Variants in EPHX4 observed in about 807,000 individuals in gnomAD.
EPHX4 encodes the protein epoxide hydrolase 4.
In EPHX4, 31 loss-of-function variants were observed where a neutral mutation model predicts 44.9. That is an observed-to-expected ratio of 0.69 (90% CI 0.52 to 0.93). The LOEUF (loss-of-function observed/expected upper bound fraction) is 0.93, where lower values mean the gene tolerates loss of function less well. EPHX4 is among the 40% of genes least tolerant of loss of function. The pLI, the probability that EPHX4 is intolerant of heterozygous loss-of-function variation, is 0.00. For synonymous variants in EPHX4, 151 were observed against 159.7 expected, an observed-to-expected ratio of 0.95 and a Z score of 0.41; for missense variants, 373 against 438.1, an observed-to-expected ratio of 0.85 and a Z score of 1.33.
Position 92,030,045 on chromosome 1 carries a change from C to A in EPHX4, c.-35C>A, listed in dbSNP as rs1242199732. 3 of 1,482,902 alleles carry A rather than the reference C, an allele frequency of 2.0e-6. No individual in the cohort carries two copies. The highest frequency in any genetic ancestry group is 2.7e-6 in the Non-Finnish European group (3 of 1,113,560). The allele number at this position is 1,482,902 out of a possible 1,614,324, so 91.9% of individuals were successfully genotyped here. A position where few individuals can be genotyped will look rare whatever the true frequency, so the allele number is the denominator to read the frequency against. ...GCTGCGGCGCTCGCTCACCCGCTCC[C>A]GAGGAAGGGCAGTGGGCCCCGCCGC... On this transcript the variant is annotated 5_prime_UTR_variant, in exon 1 of 7. Transcript: ENST00000370383.
chr1:92,030,368 G>C, intron 1 of EPHX4, 58 bp downstream of exon 1: 5 of 1,399,484 alleles, frequency 3.6e-6, no homozygotes, highest in Non-Finnish European at 9.4e-7. Flanking sequence ...CGCGAGGGTG[G>C]GGGGCTCCGG....
At chr1:92,061,171 G>A (rs577645796) in intron 6 of EPHX4, among the ~76,000 whole-genome samples, 83 of 152,092 alleles carry the variant, frequency 5.5e-4, no homozygotes, top group Non-Finnish European at 6.2e-4. Flanking sequence ...CACCGTGCCC[G>A]GCTCTAAAGT....
At chr1:92,061,973 C>T (rs896096841) in intron 6 of EPHX4, among the ~76,000 whole-genome samples, 20 of 152,000 alleles carry the variant, frequency 1.3e-4, no homozygotes, top group Admixed American at 1.0e-3. Context: ...TTTGGGAGGC[C>T]GAGATGGGAG....
chr1:92,054,562 T>C (rs1157920162), intron 6 of EPHX4, among the ~76,000 whole-genome samples: 1 of 130,550 alleles, frequency 7.7e-6, no homozygotes, highest in African/African-American at 3.0e-5. Context: ...CACTCCAGCC[T>C]GGGTGACAGA....
chr1:92,053,730 T>C (rs1368871472), intron 6 of EPHX4, among the ~76,000 whole-genome samples: 1 of 152,132 alleles, frequency 6.6e-6, no homozygotes, highest in Admixed American at 6.5e-5. Context: ...ATTTCTGGCA[T>C]GTGCAGCAGT....
intron 6 of EPHX4, among the ~76,000 whole-genome samples, chr1:92,061,982 A>G (rs1471820160): frequency 1.3e-5 from 2 of 149,778 alleles, no homozygotes; most frequent in Admixed American, 1.3e-4. Context: ...CCGAGATGGG[A>G]GGATCACTTG....
At chr1:92,050,559 T>C (rs2101872985) in intron 5 of EPHX4, 139 bp downstream of exon 5, 1 of 543,500 alleles carries the variant, frequency 1.8e-6, no homozygotes, top group African/African-American at 2.0e-5. Context: ...TTAACTATAG[T>C]CTTGCTTATT....
chr1:92,038,910 G>A (rs1688475924), intron 2 of EPHX4, among the ~76,000 whole-genome samples: 1 of 152,194 alleles, frequency 6.6e-6, no homozygotes, highest in Admixed American at 6.5e-5. Context: ...GCTGTTTGCT[G>A]ACTCTGTGAC....
At chr1:92,032,733 A>C (rs1688380130) in intron 2 of EPHX4, 143 bp downstream of exon 2, 1 of 719,116 alleles carries the variant, frequency 1.4e-6, no homozygotes, top group Non-Finnish European at 2.3e-6. Flanking sequence ...GGAGGCTGGG[A>C]AGTTCAGGAT....
At chr1:92,050,151 C>T (rs569586062) in intron 4 of EPHX4, among the ~76,000 whole-genome samples, 166 bp from the exon 5 acceptor site, 3 of 151,604 alleles carry the variant, frequency 2.0e-5, no homozygotes, top group Non-Finnish European at 2.9e-5. Flanking sequence ...TTGGAAATAC[C>T]GGAATTACTC....
At chr1:92,046,516 T>A (rs539611285) in intron 4 of EPHX4, among the ~76,000 whole-genome samples, 1 of 152,300 alleles carries the variant, frequency 6.6e-6, no homozygotes, top group South Asian at 2.1e-4. Flanking sequence ...CAGGCTGGAG[T>A]GCAGTGGCGC....
intron 2 of EPHX4, among the ~76,000 whole-genome samples, chr1:92,035,539 A>G (rs1002140571): frequency 2.6e-5 from 4 of 152,192 alleles, no homozygotes; most frequent in African/African-American, 9.7e-5. Flanking sequence ...CCATGTGTCA[A>G]ATAATAATTT....
At chr1:92,040,671 G>T (rs1283665725) in intron 2 of EPHX4, among the ~76,000 whole-genome samples, 1 of 151,966 alleles carries the variant, frequency 6.6e-6, no homozygotes, top group Admixed American at 6.6e-5. Context: ...ATGTTGCCTA[G>T]GCTGGTCTCA....
At chr1:92,043,155 A>G in intron 3 of EPHX4, 175 bp downstream of exon 3, 2 of 528,848 alleles carry the variant, frequency 3.8e-6, no homozygotes, top group Non-Finnish European at 6.6e-6. Context: ...ATTTAAAATG[A>G]TGCATCTAGA....
intron 5 of EPHX4, among the ~76,000 whole-genome samples, chr1:92,052,047 T>A (rs1039846852): frequency 3.9e-5 from 6 of 152,240 alleles, no homozygotes; most frequent in Non-Finnish European, 7.3e-5. Context: ...GACATTATTC[T>A]TTTGGATGCC....
At position 92,063,308 on chromosome 1, in the gene EPHX4, G is replaced by A. The variant is rs1466675436; in HGVS notation, c.*22G>A. On this transcript the variant is annotated 3_prime_UTR_variant, in exon 7 of 7. Transcript: ENST00000370383. Reference sequence around the variant, plus strand: ...TTGACTTTTCTTTATCTTCTATGAAGGGTCTGTAATGAAATCTCTAAATAA... The same window carrying A: ...TTGACTTTTCTTTATCTTCTATGAAAGGTCTGTAATGAAATCTCTAAATAA... 2 of 1,496,436 alleles carry A rather than the reference G, an allele frequency of 1.3e-6. No homozygotes were observed. Among genetic ancestry groups the A allele is most frequent in the African/African-American group, 1.4e-5 (1 of 71,434 alleles). 92.7% of individuals were successfully genotyped at this position (1,496,436 alleles called of 1,614,324 possible).
At chr1:92,039,040 T>G (rs1180729995) in intron 2 of EPHX4, among the ~76,000 whole-genome samples, 1 of 152,196 alleles carries the variant, frequency 6.6e-6, no homozygotes, top group Non-Finnish European at 1.5e-5. Context: ...AAGAAGCACT[T>G]AGAATTGGGC....
At chr1:92,030,379 G>T in intron 1 of EPHX4, 69 bp downstream of exon 1, 1 of 1,369,256 alleles carries the variant, frequency 7.3e-7, no homozygotes, top group Non-Finnish European at 9.6e-7. Context: ...GGGGCTCCGG[G>T]CTTCTCCTTC....
At position 92,030,483 on chromosome 1, in the gene EPHX4, T is replaced by TGTGTGTGTGTGTGTGTGTGTGTGTGA. The variant is rs745435867; in HGVS notation, c.231+176_231+177insTGTGTGTGTGTGTGTGTGTGTGAGTG. ...GTGTGTGTGTGTGTGTGTGTGTGTG[T>TGTGTGTGTGTGTGTGTGTGTGTGTGA]GTGAGAGAGAGAGAGAGAGAGAGAG... On this transcript the variant is annotated intron_variant, in intron 1 of 6. Transcript: ENST00000370383. Among the ~76,000 whole-genome samples, 1,150 of 138,482 alleles carry TGTGTGTGTGTGTGTGTGTGTGTGTGA rather than the reference T, an allele frequency of 8.3e-3. 44 individuals carry two copies. Among genetic ancestry groups the TGTGTGTGTGTGTGTGTGTGTGTGTGA allele is most frequent in the Admixed American group, 0.018 (249 of 13,946 alleles). 90.8% of individuals were successfully genotyped at this position (138,482 alleles called of 152,430 possible).
Sources: allele counts gnomAD v4.1 joint callset (sites outside exome capture counted in the v4.1 genomes callset), GRCh38; gene constraint gnomAD v4.1.1; transcripts MANE v1.5; gene names NCBI Gene and HGNC (gene_info 2026-07-23, HGNC 2026-07-21).